CHRM3: variants seen among roughly 807,000 people sequenced by gnomAD.
The protein encoded by CHRM3 is cholinergic receptor muscarinic 3.
CHRM3 carries 11 observed loss-of-function variants against 41.8 expected under a neutral mutation model. The observed-to-expected ratio is 0.26, with a 90% confidence interval of 0.17 to 0.44. The LOEUF is 0.44. Among genes scored for constraint, CHRM3 ranks in the 20% least tolerant of loss-of-function variants. The probability of loss-of-function intolerance (pLI) is 1.00; values close to 1 mark genes in which losing one functional copy is unlikely to be tolerated. For missense variants in CHRM3, 571 were observed against 745.4 expected (o/e 0.77, Z 2.72); for synonymous variants, 297 against 301.4 (o/e 0.99, Z 0.15).
At chr1:239,493,037 A>G (rs1667655565) in intron 2 of CHRM3, among the ~76,000 whole-genome samples, 1 of 152,240 alleles carries the variant, frequency 6.6e-6, no homozygotes, top group South Asian at 2.1e-4. Context: ...ATTCAAAAAC[A>G]TCAATAAACT....
intron 5 of CHRM3, among the ~76,000 whole-genome samples, chr1:239,820,416 G>C (rs186579986): frequency 3.9e-5 from 6 of 152,162 alleles, no homozygotes; most frequent in Non-Finnish European, 8.8e-5. Flanking sequence ...AGTCTATCCC[G>C]ATATGTTGGC....
At chr1:239,796,968 A>T (rs1009052355) in intron 5 of CHRM3, among the ~76,000 whole-genome samples, 2 of 152,128 alleles carry the variant, frequency 1.3e-5, no homozygotes, top group Non-Finnish European at 1.5e-5. Flanking sequence ...ATTGCCTTTC[A>T]CCTTACACTA....
At chr1:239,401,684 G>T (rs1284586158) in intron 1 of CHRM3, among the ~76,000 whole-genome samples, 1 of 151,888 alleles carries the variant, frequency 6.6e-6, no homozygotes, top group Non-Finnish European at 1.5e-5. Flanking sequence ...GTAGAGTCGG[G>T]GTTTCACCAT....
intron 6 of CHRM3, among the ~76,000 whole-genome samples, chr1:239,844,378 A>G (rs752200095): frequency 1.3e-5 from 2 of 152,230 alleles, no homozygotes; most frequent in Non-Finnish European, 2.9e-5. Context: ...TATTTGTTAC[A>G]GAAGATGTGA....
At chr1:239,578,684 T>C (rs1367513458) in intron 3 of CHRM3, among the ~76,000 whole-genome samples, 1 of 152,188 alleles carries the variant, frequency 6.6e-6, no homozygotes, top group Non-Finnish European at 1.5e-5. Flanking sequence ...AAGTATGTCC[T>C]CCATTAATTG....
intron 3 of CHRM3, among the ~76,000 whole-genome samples, chr1:239,607,668 G>A (rs1666501213): frequency 6.6e-6 from 1 of 151,850 alleles, no homozygotes; most frequent in African/African-American, 2.4e-5. Flanking sequence ...CTAAAAAAAA[G>A]GCTTAGTAAA....
At chr1:239,672,784 A>G (rs1022529660) in intron 4 of CHRM3, among the ~76,000 whole-genome samples, 1 of 152,076 alleles carries the variant, frequency 6.6e-6, no homozygotes, top group Admixed American at 6.5e-5. Flanking sequence ...AGGGTTTGTG[A>G]ATTTCAAATG....
chr1:239,820,918 A>G lies in CHRM3; in HGVS notation c.-146-6334A>G, dbSNP rs955042561. ...AAAATGTTAGTATTTAAATTTATAT[A>G]TTGTTCACTAGGGGCTCACACAATA... On this transcript the variant is annotated intron_variant, in intron 5 of 6. Transcript: ENST00000676153. Among the ~76,000 whole-genome samples, 25 of 152,200 alleles carry G rather than the reference A, an allele frequency of 1.6e-4. 1 individual carries two copies. The highest frequency in any genetic ancestry group is 4.3e-4 in the African/African-American group (18 of 41,446).
chr1:239,577,365 A>G (rs892152304), intron 3 of CHRM3, among the ~76,000 whole-genome samples: 1 of 152,146 alleles, frequency 6.6e-6, no homozygotes, highest in African/African-American at 2.4e-5. Context: ...TCATTTTGAA[A>G]AACAATAAGG....
intron 6 of CHRM3, among the ~76,000 whole-genome samples, chr1:239,870,278 G>A (rs1207134832): frequency 6.6e-6 from 1 of 152,214 alleles, no homozygotes; most frequent in Non-Finnish European, 1.5e-5. Flanking sequence ...GGCAAGCGCT[G>A]AGCCAGCCTG....
intron 5 of CHRM3, among the ~76,000 whole-genome samples, chr1:239,825,238 A>T (rs73129024): frequency 6.6e-6 from 1 of 152,162 alleles, no homozygotes; most frequent in Non-Finnish European, 1.5e-5. Context: ...CTCCTCATCT[A>T]TTCAGGCCAG....
rs765205519 is a variant in CHRM3 at position 239,908,679 on chromosome 1, G to T, written c.1228G>T (p.Ala410Ser). Residue 410 changes from alanine (A) to serine (S), a missense_variant, in exon 7 of 7, where the codon GCC becomes TCC. Around this residue, in one of 5 missense-constraint regions of CHRM3, gnomAD observed 239 missense variants for 239.6 expected, o/e 1.00. Coordinates refer to ENST00000676153, the MANE Select transcript of CHRM3 (RefSeq NM_001375978.1). This position sits in a 1 kb window ranked among gnomAD's most constrained non-coding sequence, Gnocchi z 7.2. ...GGAGAGGAAAGCCGACAAGCTGCAG[G>T]CCCAGAAGAGCGTGGACGATGGAGG... ...DLERKADKLQ[A>S]QKSVDDGGSF... 6.2e-7 allele frequency: 1 copy of T among 1,612,806 alleles called. No homozygotes were observed.
At chr1:239,611,811 G>A (rs368181408) in intron 3 of CHRM3, among the ~76,000 whole-genome samples, 14 of 152,244 alleles carry the variant, frequency 9.2e-5, no homozygotes, top group Admixed American at 5.9e-4. Flanking sequence ...TGTGGACAAA[G>A]TTCTATAACA....
intron 6 of CHRM3, among the ~76,000 whole-genome samples, chr1:239,836,784 G>A (rs1673356695): frequency 6.6e-6 from 1 of 152,128 alleles, no homozygotes; most frequent in Non-Finnish European, 1.5e-5. Context: ...GAGACCATCT[G>A]GACAACATGG....
At chr1:239,405,937 T>C (rs1660557800) in intron 1 of CHRM3, among the ~76,000 whole-genome samples, 1 of 152,128 alleles carries the variant, frequency 6.6e-6, no homozygotes, top group African/African-American at 2.4e-5. Context: ...GGCTGGAGTG[T>C]AGTGCCGCGA....
intron 1 of CHRM3, among the ~76,000 whole-genome samples, chr1:239,401,802 G>T (rs1356269067): frequency 6.6e-6 from 1 of 151,994 alleles, no homozygotes; most frequent in South Asian, 2.1e-4. Context: ...AGACTTTGAG[G>T]GGATTTTTAA....
In CHRM3 at chr1:239,433,821, C is replaced by T. The variant is rs547248983; in HGVS notation, c.-521+46594C>T. ...TTCCTATGACTGAGTAGTATTCCATCGTATATACATATATACCACAATTTC... is the reference window on the plus strand; with the variant it reads ...TTCCTATGACTGAGTAGTATTCCATTGTATATACATATATACCACAATTTC... On this transcript the variant is annotated intron_variant, in intron 1 of 6. Transcript: ENST00000676153. 2.3e-3 allele frequency among the ~76,000 whole-genome samples: 343 copies of T among 152,226 alleles called. 3 individuals carry two copies. Among genetic ancestry groups the T allele is most frequent in the African/African-American group, 7.7e-3 (318 of 41,538 alleles).
chr1:239,826,695 G>A (rs938710420), intron 5 of CHRM3, among the ~76,000 whole-genome samples: 5 of 152,108 alleles, frequency 3.3e-5, no homozygotes, highest in African/African-American at 9.7e-5. Context: ...AAGCAAACAC[G>A]ATCCTGAATG....
chr1:239,733,362 C>G (rs1664128706), intron 5 of CHRM3, among the ~76,000 whole-genome samples: 1 of 151,892 alleles, frequency 6.6e-6, no homozygotes, highest in Non-Finnish European at 1.5e-5. Context: ...ATGAAGATAC[C>G]AGAGATTTCC....
Sources: gnomAD v4.1 joint callset for allele counts (sites outside exome capture counted in the v4.1 genomes callset) on GRCh38, gnomAD v4.1.1 for gene constraint, gnomAD v4.1.1 regional missense constraint, Gnocchi (gnomAD v3.1) non-coding constraint, MANE v1.5 for transcripts, NCBI Gene and HGNC (gene_info 2026-07-23, HGNC 2026-07-21) for gene names.